HYCC2: variants seen among roughly 807,000 people sequenced by gnomAD.
HYCC2 encodes the protein hyccin 2.
At chr2:201,016,789 G>A in the HYCC2 span, among the ~76,000 whole-genome samples, 24 of 151,792 alleles carry the variant, frequency 1.6e-4, no homozygotes, top group Admixed American at 2.6e-4. Context: ...TAGTAGAGAC[G>A]GAGTCTCACC....
the HYCC2 span, among the ~76,000 whole-genome samples, chr2:201,057,474 G>A: frequency 6.6e-6 from 1 of 152,154 alleles, no homozygotes; most frequent in African/African-American, 2.4e-5. Context: ...CACCCAGCTT[G>A]CACCAGATTT....
chr2:200,980,722 A>C, the HYCC2 span: 1 of 154,250 alleles, frequency 6.5e-6, no homozygotes, highest in South Asian at 2.0e-4. Flanking sequence ...AAAGTGCAGC[A>C]GTCTACCACC....
chr2:201,030,514 T>C, the HYCC2 span, among the ~76,000 whole-genome samples: 6 of 152,212 alleles, frequency 3.9e-5, no homozygotes, highest in East Asian at 1.2e-3. Context: ...ACATCATATA[T>C]AGTGTTCTAC....
the HYCC2 span, among the ~76,000 whole-genome samples, chr2:201,047,962 G>C: frequency 6.8e-6 from 1 of 147,458 alleles, no homozygotes; most frequent in Admixed American, 6.7e-5. Context: ...TATTCAGACA[G>C]AAGGAAATTA....
chr2:201,031,067 G>GAAA, the HYCC2 span, among the ~76,000 whole-genome samples: 1 of 152,084 alleles, frequency 6.6e-6, no homozygotes, highest in East Asian at 1.9e-4. Context: ...AATTGTACTT[G>GAAA]AAATTTTAAG....
At chr2:201,017,297 T>A in the HYCC2 span, 2 of 714,222 alleles carry the variant, frequency 2.8e-6, no homozygotes, top group Non-Finnish European at 4.3e-6. Flanking sequence ...CTCCACATTT[T>A]AATTTAACCA....
the HYCC2 span, among the ~76,000 whole-genome samples, chr2:201,007,204 G>C: frequency 6.6e-6 from 1 of 152,032 alleles, no homozygotes; most frequent in East Asian, 1.9e-4. Context: ...GGTGTTTCTC[G>C]ACCTATGATG....
the HYCC2 span, among the ~76,000 whole-genome samples, chr2:201,034,462 G>C: frequency 6.6e-6 from 1 of 152,118 alleles, no homozygotes; most frequent in Non-Finnish European, 1.5e-5. Flanking sequence ...TTGCTGGGTA[G>C]ATCTTCCTCC....
the HYCC2 span, among the ~76,000 whole-genome samples, chr2:200,995,867 A>G: frequency 6.6e-6 from 1 of 152,208 alleles, no homozygotes; most frequent in African/African-American, 2.4e-5. Context: ...ATGCAGTAAT[A>G]GAAAACTAAC....
the HYCC2 span, among the ~76,000 whole-genome samples, chr2:200,995,404 C>CA: frequency 1.3e-5 from 2 of 152,166 alleles, no homozygotes; most frequent in Non-Finnish European, 2.9e-5. Flanking sequence ...ATGCCCTTCC[C>CA]CTTCAGCACG....
At chr2:201,060,000 C>T in the HYCC2 span, among the ~76,000 whole-genome samples, 2 of 147,640 alleles carry the variant, frequency 1.4e-5, no homozygotes, top group South Asian at 2.1e-4. Flanking sequence ...GCCGAGATTG[C>T]GCCACTGCTC....
chr2:200,975,688 T>C, the HYCC2 span: 1 of 152,238 alleles, frequency 6.6e-6, no homozygotes, highest in African/African-American at 2.4e-5. Context: ...CATTCCCAGC[T>C]TTCTGCTAAT....
At chr2:201,031,600 G>A in the HYCC2 span, among the ~76,000 whole-genome samples, 561 of 152,280 alleles carry the variant, frequency 3.7e-3, 4 homozygotes, top group African/African-American at 0.013. Context: ...GCGGTGAGCC[G>A]AGACAGCGCC....
At chr2:200,976,488 G>A in the HYCC2 span, 2 of 152,096 alleles carry the variant, frequency 1.3e-5, no homozygotes, top group African/African-American at 2.4e-5. Flanking sequence ...CGAGACAACT[G>A]ATTGTCAACA....
chr2:201,066,852 C>T, the HYCC2 span: 1 of 155,218 alleles, frequency 6.4e-6, no homozygotes, highest in East Asian at 1.9e-4. Flanking sequence ...CCGCAAGTCA[C>T]CCACGTCCCG....
At chr2:200,997,613 C>A in the HYCC2 span, 1 of 898,528 alleles carries the variant, frequency 1.1e-6, no homozygotes, top group Non-Finnish European at 1.8e-6. Context: ...ATGACAATGC[C>A]TTAATATTGA....
At chr2:201,035,028 CT>C in the HYCC2 span, among the ~76,000 whole-genome samples, 1 of 152,192 alleles carries the variant, frequency 6.6e-6, no homozygotes, top group East Asian at 1.9e-4. Context: ...TCTGGCTGTC[CT>C]TCACATTTTT....
At chr2:201,009,357 TG>T in the HYCC2 span, 1 of 265,964 alleles carries the variant, frequency 3.8e-6, no homozygotes, top group Non-Finnish European at 7.3e-6. Context: ...GAAAAGTTGC[TG>T]AAAAAACTAA....
At chr2:201,068,299 A>G in the HYCC2 span, among the ~76,000 whole-genome samples, 2 of 152,098 alleles carry the variant, frequency 1.3e-5, no homozygotes, top group Non-Finnish European at 2.9e-5. Flanking sequence ...AAAAAAGAAA[A>G]AAAAAAGCTA....
Sources: allele counts gnomAD v4.1 joint callset (sites outside exome capture counted in the v4.1 genomes callset), GRCh38; gene constraint gnomAD v4.1.1; transcripts MANE v1.5; gene names NCBI Gene and HGNC (gene_info 2026-07-23, HGNC 2026-07-21).